The following GPR158 variants were observed in gnomAD, a reference collection of about 807,000 sequenced individuals.
The protein encoded by GPR158 is G protein-coupled receptor 158.
Under a neutral mutation model 78.2 loss-of-function variants are expected in GPR158, and 30 were observed. That is an observed-to-expected ratio of 0.38 (90% confidence interval 0.29 to 0.52). The LOEUF (loss-of-function observed/expected upper bound fraction) is 0.52, where lower values mean the gene tolerates loss of function less well. Among genes scored for constraint, GPR158 ranks in the 20% least tolerant of loss-of-function variants. The pLI is 0.83. For synonymous variants in GPR158, 581 were observed against 591.1 expected (o/e 0.98, Z 0.25); for missense variants, 1,463 against 1,523.5 (o/e 0.96, Z 0.66).
Position 25,513,497 on chromosome 10 carries a change from T to C in GPR158, c.1405-37479T>C, listed in dbSNP as rs75920464. Among the ~76,000 whole-genome samples the C allele has an allele frequency of 2.9e-3, 438 of 152,008 alleles. 2 individuals are homozygous for C. Among genetic ancestry groups the C allele is most frequent in the African/African-American group, 0.01 (423 of 41,542 alleles). On this transcript the variant is annotated intron_variant, in intron 5 of 10. Coordinates refer to ENST00000376351, the MANE Select transcript of GPR158 (RefSeq NM_020752.3). ...CTAGTTTTTTGTTTCATTTATCTTTTTTTTTTTGGTTCAATTTTATTTAGC... is the reference window on the plus strand; with the variant it reads ...CTAGTTTTTTGTTTCATTTATCTTTCTTTTTTTGGTTCAATTTTATTTAGC...
intron 2 of GPR158, among the ~76,000 whole-genome samples, chr10:25,321,728 T>C (rs1310917944): frequency 6.6e-6 from 1 of 151,134 alleles, no homozygotes; most frequent in African/African-American, 2.4e-5. Flanking sequence ...TGGCCATCCA[T>C]TTTTTTTTCA....
intron 4 of GPR158, among the ~76,000 whole-genome samples, chr10:25,444,230 TG>T (rs1239718722): frequency 1.4e-5 from 2 of 145,360 alleles, no homozygotes; most frequent in East Asian, 4.2e-4. Context: ...GCAGGAATAA[TG>T]GGGGGTGTGT....
intron 4 of GPR158, among the ~76,000 whole-genome samples, chr10:25,447,317 A>C (rs1279796911): frequency 6.6e-6 from 1 of 152,240 alleles, no homozygotes; most frequent in South Asian, 2.1e-4. Flanking sequence ...AAAATAAACT[A>C]AATGAATATT....
intron 2 of GPR158, among the ~76,000 whole-genome samples, chr10:25,309,367 T>A (rs1272062320): frequency 6.6e-6 from 1 of 151,504 alleles, no homozygotes; most frequent in Admixed American, 6.6e-5. Context: ...TAGCAAAATA[T>A]CTATTCAAGT....
chr10:25,215,907 C>T (rs1336454842), intron 1 of GPR158, among the ~76,000 whole-genome samples: 1 of 152,206 alleles, frequency 6.6e-6, no homozygotes, highest in African/African-American at 2.4e-5. Context: ...TCAGTGGCAG[C>T]TAGCATTTGT....
chr10:25,296,583 G>T (rs991407482), intron 2 of GPR158, among the ~76,000 whole-genome samples: 6 of 151,888 alleles, frequency 4.0e-5, no homozygotes, highest in Non-Finnish European at 8.8e-5. Context: ...TTGCTTATTG[G>T]TATATTCCTA....
At chr10:25,442,939 C>T (rs1240816410) in intron 4 of GPR158, among the ~76,000 whole-genome samples, 1 of 152,162 alleles carries the variant, frequency 6.6e-6, no homozygotes, top group Non-Finnish European at 1.5e-5. Context: ...CATTTTAATA[C>T]CAGTGCCTTC....
At chr10:25,485,881 C>T (rs575805703) in intron 5 of GPR158, among the ~76,000 whole-genome samples, 1 of 152,194 alleles carries the variant, frequency 6.6e-6, no homozygotes, top group East Asian at 1.9e-4. Flanking sequence ...CAAGATCATG[C>T]TACTACAAGG....
chr10:25,339,162 T>C (rs993622020), intron 2 of GPR158, among the ~76,000 whole-genome samples: 2 of 151,924 alleles, frequency 1.3e-5, no homozygotes, highest in African/African-American at 2.4e-5. Flanking sequence ...CTTTAAAATT[T>C]ATTTTATACA....
At chr10:25,193,212 G>A (rs572245634) in intron 1 of GPR158, among the ~76,000 whole-genome samples, 9 of 152,074 alleles carry the variant, frequency 5.9e-5, no homozygotes, top group Non-Finnish European at 1.3e-4. Context: ...ATAATAAACA[G>A]GCAAAATAAA....
intron 5 of GPR158, among the ~76,000 whole-genome samples, chr10:25,468,700 A>G (rs1464451277): frequency 6.6e-6 from 1 of 152,214 alleles, no homozygotes; most frequent in Non-Finnish European, 1.5e-5. Context: ...TACCAGTAAC[A>G]TGTCTGAAAC....
intron 2 of GPR158, among the ~76,000 whole-genome samples, chr10:25,291,810 C>T (rs1179463901): frequency 1.3e-5 from 2 of 151,880 alleles, no homozygotes; most frequent in Non-Finnish European, 2.9e-5. Context: ...AATGGAATAG[C>T]ACAAATGAGT....
intron 1 of GPR158, among the ~76,000 whole-genome samples, chr10:25,217,302 C>T (rs1278541703): frequency 6.6e-6 from 1 of 152,126 alleles, no homozygotes; most frequent in African/African-American, 2.4e-5. Context: ...TTAAAGTTGT[C>T]TGTGGTCACT....
At chr10:25,182,939 G>A (rs911521237) in intron 1 of GPR158, among the ~76,000 whole-genome samples, 88 of 152,168 alleles carry the variant, frequency 5.8e-4, no homozygotes, top group African/African-American at 2.0e-3. Flanking sequence ...TGGCTGTTAT[G>A]TGCAAATAGG....
chr10:25,349,928 C>A (rs1366502738), intron 2 of GPR158, among the ~76,000 whole-genome samples: 2 of 151,954 alleles, frequency 1.3e-5, no homozygotes, highest in South Asian at 2.1e-4. Context: ...TACTTGACAG[C>A]TTCATCTGGA....
chr10:25,510,312 TAAAA>T (rs1241699640), intron 5 of GPR158, among the ~76,000 whole-genome samples: 1 of 152,078 alleles, frequency 6.6e-6, no homozygotes, highest in Non-Finnish European at 1.5e-5. Context: ...CAAAGAAAAA[TAAAA>T]AAGTATATAC....
intron 1 of GPR158, among the ~76,000 whole-genome samples, chr10:25,197,324 A>G (rs1366335373): frequency 6.6e-6 from 1 of 152,190 alleles, no homozygotes; most frequent in Non-Finnish European, 1.5e-5. Context: ...GACCATATGT[A>G]GTTGTAATAT....
At position 25,351,710 on chromosome 10, in the gene GPR158, CT is replaced by C. The variant is rs66582925; in HGVS notation, c.1009-44186del. Among the ~76,000 whole-genome samples the C allele has an allele frequency of 5.6e-3, 751 of 135,230 alleles. 6 individuals carry two copies. Among genetic ancestry groups the C allele is most frequent in the East Asian group, 0.025 (113 of 4,494 alleles). The allele number at this position is 135,230 out of a possible 152,430, so 88.7% of individuals were successfully genotyped here. A position where few individuals can be genotyped will look rare whatever the true frequency, so the allele number is the denominator to read the frequency against. On this transcript the variant is annotated intron_variant, in intron 2 of 10. Coordinates refer to ENST00000376351, the MANE Select transcript of GPR158 (RefSeq NM_020752.3). ...TGCCATAGCAATAGTGTTTTTCTTT[CT>C]TTTTTTTTTTTTTTAATGTTTTTTC... is the stretch of plus-strand genomic sequence containing the variant.
intron 2 of GPR158, among the ~76,000 whole-genome samples, chr10:25,354,782 G>C (rs1288579468): frequency 6.6e-6 from 1 of 151,782 alleles, no homozygotes; most frequent in East Asian, 1.9e-4. Flanking sequence ...TGTTTGTCTG[G>C]GAAAGACTTT....
Sources: gnomAD v4.1 joint callset for allele counts (sites outside exome capture counted in the v4.1 genomes callset) on GRCh38, gnomAD v4.1.1 for gene constraint, MANE v1.5 for transcripts, NCBI Gene and HGNC (gene_info 2026-07-23, HGNC 2026-07-21) for gene names.